UBR1: variants seen among roughly 807,000 people sequenced by gnomAD.
UBR1 encodes E3 ubiquitin-protein ligase UBR1.
A neutral mutation model predicts 242.1 loss-of-function variants in UBR1; 102 were observed. That is an observed-to-expected ratio of 0.42 (90% CI 0.36 to 0.50). The LOEUF (loss-of-function observed/expected upper bound fraction) is 0.50, where lower values mean the gene tolerates loss of function less well. Among genes scored for constraint, UBR1 ranks in the 20% least tolerant of loss-of-function variants. UBR1 has a pLI of 0.01. For synonymous variants in UBR1, 675 were observed against 684.8 expected (o/e 0.99, Z 0.22); for missense variants, 1,772 against 2,101.8 (o/e 0.84, Z 3.07).
chr15:43,049,306 G>A (rs2033523610), intron 12 of UBR1, among the ~76,000 whole-genome samples: 1 of 152,224 alleles, frequency 6.6e-6, no homozygotes, highest in African/African-American at 2.4e-5. Flanking sequence ...GCTCACGCCT[G>A]TAATCCCAGC....
intron 1 of UBR1, among the ~76,000 whole-genome samples, chr15:43,101,968 CAAAAAA>C (rs55875692): frequency 1.0e-4 from 6 of 59,652 alleles, no homozygotes; most frequent in Middle Eastern, 0.024. Flanking sequence ...CCTTGGCTCA[CAAAAAA>C]AAAAAAAAAA....
intron 40 of UBR1, among the ~76,000 whole-genome samples, chr15:42,966,935 T>A (rs2032115032): frequency 6.6e-6 from 1 of 152,068 alleles, no homozygotes; most frequent in Non-Finnish European, 1.5e-5. Context: ...ATTATTATTT[T>A]TTGAGATAGA....
chr15:43,065,151 G>C (rs1402974345), intron 6 of UBR1, among the ~76,000 whole-genome samples: 1 of 152,178 alleles, frequency 6.6e-6, no homozygotes, highest in Non-Finnish European at 1.5e-5. Context: ...GTAAAATGTA[G>C]CAATAGTAAT....
At chr15:42,991,708 A>G (rs920439482) in intron 33 of UBR1, among the ~76,000 whole-genome samples, 6 of 151,916 alleles carry the variant, frequency 3.9e-5, no homozygotes, top group Admixed American at 3.3e-4. Context: ...ACCTAATTTC[A>G]CATTCATGGA....
At chr15:42,961,246 G>C (rs2032014324) in intron 42 of UBR1, among the ~76,000 whole-genome samples, 1 of 151,184 alleles carries the variant, frequency 6.6e-6, no homozygotes, top group Non-Finnish European at 1.5e-5. Flanking sequence ...TTCAGTAGCT[G>C]GGACTACAAG....
chr15:43,032,852 TTCATTA>T (rs2033275224), intron 19 of UBR1, among the ~76,000 whole-genome samples: 1 of 152,220 alleles, frequency 6.6e-6, no homozygotes, highest in Non-Finnish European at 1.5e-5. Context: ...TGTCATCATT[TTCATTA>T]TCATTATCCC....
chr15:43,003,950 G>C lies in UBR1; in HGVS notation c.3416-20C>G. On this transcript the variant is annotated intron_variant, in intron 30 of 46. Coordinates refer to ENST00000290650, the MANE Select transcript of UBR1 (RefSeq NM_174916.3). ...GGGCTTCTGGTACAAGGTATAAAAA[G>C]GAGGGAAAAAGAGAGACAGGTTATC... The C allele has an allele frequency of 6.2e-7, 1 of 1,610,148 alleles. No homozygotes were observed.
At chr15:43,026,186 C>T (rs755345083) in intron 23 of UBR1, 26 of 215,210 alleles carry the variant, frequency 1.2e-4, no homozygotes, top group South Asian at 1.1e-3. Flanking sequence ...GAGCTGATAT[C>T]GTGCAACTAC....
intron 27 of UBR1, chr15:43,021,056 TA>T: frequency 2.3e-6 from 1 of 444,434 alleles, no homozygotes; most frequent in Non-Finnish European, 4.1e-6. Context: ...AGGTTTTCAG[TA>T]AAGTTGACTA....
chr15:42,991,385 C>T (rs2032555608), intron 33 of UBR1, among the ~76,000 whole-genome samples: 1 of 152,090 alleles, frequency 6.6e-6, no homozygotes, highest in Admixed American at 6.5e-5. Flanking sequence ...TACAGACACG[C>T]ACCACTGTGC....
intron 4 of UBR1, among the ~76,000 whole-genome samples, chr15:43,071,799 T>G (rs1166015890): frequency 6.6e-6 from 1 of 152,208 alleles, no homozygotes; most frequent in Non-Finnish European, 1.5e-5. Flanking sequence ...TCCATTTGAA[T>G]GCTCCATATC....
chr15:43,005,378 A>G lies in UBR1; in HGVS notation c.3416-1448T>C, dbSNP rs76841629. On this transcript the variant is annotated intron_variant, in intron 30 of 46. Transcript: ENST00000290650. Reference sequence around the variant, plus strand: ...AGCCGCCCCATCCGGGAGGGAGGTGAGGGGCAGCCCCCGCCCGGCCAGCCG... The same window carrying G: ...AGCCGCCCCATCCGGGAGGGAGGTGGGGGGCAGCCCCCGCCCGGCCAGCCG... Among the ~76,000 whole-genome samples, 566 of 131,752 alleles carry G rather than the reference A, an allele frequency of 4.3e-3. 7 individuals are homozygous for G. Among genetic ancestry groups the G allele is most frequent in the African/African-American group, 0.01 (342 of 33,968 alleles). The allele number at this position is 131,752 out of a possible 152,430, so 86.4% of individuals were successfully genotyped here.
At chr15:42,999,155 G>A (rs933523128) in intron 32 of UBR1, among the ~76,000 whole-genome samples, 1 of 152,056 alleles carries the variant, frequency 6.6e-6, no homozygotes, top group Non-Finnish European at 1.5e-5. Flanking sequence ...TGGCCAGGCT[G>A]GTCTCGATCT....
chr15:42,969,258 C>T (rs557644511), intron 40 of UBR1, among the ~76,000 whole-genome samples: 3 of 152,306 alleles, frequency 2.0e-5, no homozygotes, highest in South Asian at 4.1e-4. Context: ...TTGCATTTCT[C>T]TAATGACCAG....
At chr15:43,086,437 G>GAAAAA (rs370942763) in intron 1 of UBR1, among the ~76,000 whole-genome samples, 197 bp from the exon 2 acceptor site, 15 of 86,068 alleles carry the variant, frequency 1.7e-4, no homozygotes, top group Non-Finnish European at 2.2e-4. Flanking sequence ...ACCAGTATCT[G>GAAAAA]AAAAAAAAAA....
intron 32 of UBR1, 91 bp downstream of exon 32, chr15:43,002,464 G>T: frequency 7.1e-7 from 1 of 1,418,046 alleles, no homozygotes; most frequent in Non-Finnish European, 9.8e-7. Context: ...CTGGCAATCC[G>T]CCCATCTCAG....
chr15:43,039,937 C>T (rs911211778), intron 15 of UBR1, among the ~76,000 whole-genome samples: 3 of 152,100 alleles, frequency 2.0e-5, no homozygotes, highest in Non-Finnish European at 2.9e-5. Flanking sequence ...TGGAGATAAT[C>T]ATGTGGTTTT....
At chr15:43,096,974 T>C (rs1248854850) in intron 1 of UBR1, among the ~76,000 whole-genome samples, 1 of 152,032 alleles carries the variant, frequency 6.6e-6, no homozygotes, top group African/African-American at 2.4e-5. Flanking sequence ...TCTAGAATGC[T>C]GAATCCTTTC....
At chr15:43,055,024 C>T (rs2033599861) in intron 11 of UBR1, 125 bp from the exon 12 acceptor site, 1 of 1,162,054 alleles carries the variant, frequency 8.6e-7, no homozygotes, top group Non-Finnish European at 1.2e-6. Context: ...ATGTTAAACA[C>T]AGTCCTTAGT....
Sources: allele counts gnomAD v4.1 joint callset (sites outside exome capture counted in the v4.1 genomes callset), GRCh38; gene constraint gnomAD v4.1.1; transcripts MANE v1.5; gene names NCBI Gene and HGNC (gene_info 2026-07-23, HGNC 2026-07-21).